Variants in AMBRA1 observed in about 807,000 individuals in gnomAD.
AMBRA1 encodes autophagy and beclin 1 regulator 1.
A neutral mutation model predicts 125.4 loss-of-function variants in AMBRA1; 47 were observed. That is an observed-to-expected ratio of 0.37 (90% CI 0.30 to 0.48). AMBRA1 has a LOEUF of 0.48. Among genes scored for constraint, AMBRA1 ranks in the 20% least tolerant of loss-of-function variants. AMBRA1 has a pLI of 0.99. For synonymous variants in AMBRA1, 626 were observed against 655.5 expected, an observed-to-expected ratio of 0.95 and a Z score of 0.69; for missense variants, 1,331 against 1,693.4, an observed-to-expected ratio of 0.79 and a Z score of 3.76.
chr11:46,400,473 G>GTTTTTTTTTTTTTTTTTTTTTTTT lies in AMBRA1; in HGVS notation c.3404-2554_3404-2531dup, dbSNP rs553040136. 1.0e-4 allele frequency among the ~76,000 whole-genome samples: 5 copies of GTTTTTTTTTTTTTTTTTTTTTTTT among 48,890 alleles called. 1 individual carries two copies. The highest frequency in any genetic ancestry group is 2.6e-4 in the African/African-American group (4 of 15,488). The allele number at this position is 48,890 out of a possible 152,430, so 32.1% of individuals were successfully genotyped here. On this transcript the variant is annotated intron_variant, in intron 17 of 17. Coordinates refer to ENST00000683756, the MANE Select transcript of AMBRA1 (RefSeq NM_001387011.1). ...CCTCATGCTTCTAGTTCTTTCTATA[G>GTTTTTTTTTTTTTTTTTTTTTTTT]TTTTTTTTTTTTTTTTTTTTTTTTT...
chr11:46,415,223 C>G (rs763398998), intron 15 of AMBRA1, among the ~76,000 whole-genome samples: 1 of 152,154 alleles, frequency 6.6e-6, no homozygotes, highest in Non-Finnish European at 1.5e-5. Flanking sequence ...GACTGGAGAC[C>G]ACTCATCTGT....
At chr11:46,529,871 ATGT>A (rs764024898) in intron 7 of AMBRA1, among the ~76,000 whole-genome samples, 7 of 152,218 alleles carry the variant, frequency 4.6e-5, no homozygotes, top group Non-Finnish European at 8.8e-5. Context: ...TCACACAAAC[ATGT>A]TGTCAGGAAT....
At chr11:46,442,653 G>A (rs1012524655) in intron 12 of AMBRA1, among the ~76,000 whole-genome samples, 12 of 152,292 alleles carry the variant, frequency 7.9e-5, no homozygotes, top group African/African-American at 2.9e-4. Flanking sequence ...TTCACTAGAA[G>A]CAAGGAAACT....
intron 11 of AMBRA1, among the ~76,000 whole-genome samples, chr11:46,464,969 G>A (rs1330603349): frequency 6.6e-6 from 1 of 152,086 alleles, no homozygotes; most frequent in Non-Finnish European, 1.5e-5. Context: ...CACTTGAACC[G>A]GGAGGTGGAG....
At chr11:46,438,621 G>A (rs549655252) in intron 12 of AMBRA1, among the ~76,000 whole-genome samples, 1 of 152,282 alleles carries the variant, frequency 6.6e-6, no homozygotes, top group Admixed American at 6.5e-5. Context: ...AATAAGGCCT[G>A]TACAGAGCTC....
chr11:46,525,162 A>G (rs1951914340), intron 7 of AMBRA1, among the ~76,000 whole-genome samples: 1 of 152,144 alleles, frequency 6.6e-6, no homozygotes, highest in African/African-American at 2.4e-5. Context: ...TTATCTGGGC[A>G]TGGTGGCACA....
intron 7 of AMBRA1, among the ~76,000 whole-genome samples, chr11:46,518,806 A>G (rs898901076): frequency 7.9e-5 from 12 of 152,384 alleles, no homozygotes; most frequent in Middle Eastern, 6.8e-3. Context: ...CATAATAGGC[A>G]TATAATTCAA....
chr11:46,523,682 G>A (rs1046539400), intron 7 of AMBRA1, among the ~76,000 whole-genome samples: 2 of 152,140 alleles, frequency 1.3e-5, no homozygotes, highest in Non-Finnish European at 2.9e-5. Flanking sequence ...CACAAACACC[G>A]CTTTACCCAG....
At chr11:46,561,253 C>T (rs1035659785) in intron 1 of AMBRA1, among the ~76,000 whole-genome samples, 4 of 151,900 alleles carry the variant, frequency 2.6e-5, no homozygotes, top group Admixed American at 6.6e-5. Context: ...TGGTGTCACG[C>T]GCCTGTAATC....
intron 1 of AMBRA1, among the ~76,000 whole-genome samples, chr11:46,574,880 T>C (rs533364330): frequency 6.6e-6 from 1 of 152,226 alleles, no homozygotes; most frequent in Non-Finnish European, 1.5e-5. Flanking sequence ...TCTCATCCTT[T>C]ACAGGTTTGT....
chr11:46,543,540 G>A (rs1952855526), intron 6 of AMBRA1, 142 bp from the exon 7 acceptor site: 1 of 1,074,946 alleles, frequency 9.3e-7, no homozygotes, highest in East Asian at 2.6e-5. Context: ...TACCCCTGAA[G>A]CACTGACAAC....
intron 7 of AMBRA1, among the ~76,000 whole-genome samples, chr11:46,524,874 T>G (rs949637357): frequency 5.3e-5 from 8 of 152,234 alleles, no homozygotes; most frequent in Non-Finnish European, 8.8e-5. Context: ...GAGAATCACA[T>G]GCACCCCATC....
intron 1 of AMBRA1, among the ~76,000 whole-genome samples, chr11:46,549,234 T>C (rs1463646335): frequency 6.6e-6 from 1 of 152,248 alleles, no homozygotes; most frequent in African/African-American, 2.4e-5. Flanking sequence ...TTGTGGTCTA[T>C]ACAATGGACT....
At chr11:46,476,710 C>G (rs1303480754) in intron 11 of AMBRA1, among the ~76,000 whole-genome samples, 1 of 152,212 alleles carries the variant, frequency 6.6e-6, no homozygotes, top group Non-Finnish European at 1.5e-5. Flanking sequence ...TTCACATCAG[C>G]AGAATCCAGA....
intron 11 of AMBRA1, among the ~76,000 whole-genome samples, chr11:46,466,853 T>A (rs1446406663): frequency 1.3e-5 from 2 of 152,132 alleles, no homozygotes; most frequent in Non-Finnish European, 2.9e-5. Flanking sequence ...TTCAAACCTT[T>A]TTTTTCTTCT....
chr11:46,443,468 C>G lies in AMBRA1; in HGVS notation c.2632+20G>C, dbSNP rs997484012. 1 of 1,588,634 alleles carries G rather than the reference C, an allele frequency of 6.3e-7. No individual in the cohort carries two copies. Among genetic ancestry groups the G allele is most frequent in the African/African-American group, 1.3e-5 (1 of 74,408 alleles). ...CAAATATAACCCTTCCACTGATACC[C>G]CCATTTGACATTGACTTACCATTAC... On this transcript the variant is annotated intron_variant, in intron 12 of 17. Coordinates refer to ENST00000683756, the MANE Select transcript of AMBRA1 (RefSeq NM_001387011.1).
At chr11:46,511,931 T>A (rs1470032961) in intron 8 of AMBRA1, among the ~76,000 whole-genome samples, 2 of 148,610 alleles carry the variant, frequency 1.3e-5, no homozygotes, top group African/African-American at 4.9e-5. Flanking sequence ...CTCTGCTCAC[T>A]GCAACCTCTG....
At chr11:46,483,751 T>C (rs1950164267) in intron 11 of AMBRA1, among the ~76,000 whole-genome samples, 1 of 152,008 alleles carries the variant, frequency 6.6e-6, no homozygotes, top group African/African-American at 2.4e-5. Flanking sequence ...AATACAAAAA[T>C]TAGCTGGGCG....
chr11:46,445,770 T>C (rs1948252845), intron 11 of AMBRA1, among the ~76,000 whole-genome samples: 1 of 152,230 alleles, frequency 6.6e-6, no homozygotes, highest in Non-Finnish European at 1.5e-5. Flanking sequence ...CTTATCATTT[T>C]CTCCAGCTTT....
Sources: gnomAD v4.1 joint callset for allele counts (sites outside exome capture counted in the v4.1 genomes callset) on GRCh38, gnomAD v4.1.1 for gene constraint, MANE v1.5 for transcripts, NCBI Gene and HGNC (gene_info 2026-07-23, HGNC 2026-07-21) for gene names.